Variants in CNBD1 observed in about 807,000 individuals in gnomAD.
CNBD1 encodes the protein cyclic nucleotide binding domain containing 1.
Under a neutral mutation model 54.4 loss-of-function variants are expected in CNBD1, and 71 were observed. The observed-to-expected ratio is 1.30, with a 90% CI of 1.08 to 1.59. The LOEUF (loss-of-function observed/expected upper bound fraction) is 1.59, where lower values mean the gene tolerates loss of function less well. Among genes scored for constraint, CNBD1 ranks in the 40% most tolerant of loss-of-function variants. CNBD1 has a pLI of 0.00. For synonymous variants in CNBD1, 182 were observed against 170.7 expected, an observed-to-expected ratio of 1.07 and a Z score of -0.51; for missense variants, 659 against 518.0, an observed-to-expected ratio of 1.27 and a Z score of -2.64.
chr8:87,198,786 G>A (rs973803510), intron 4 of CNBD1, among the ~76,000 whole-genome samples: 3 of 152,174 alleles, frequency 2.0e-5, no homozygotes, highest in Non-Finnish European at 4.4e-5. Flanking sequence ...TTAGAGGAAA[G>A]TATGACTGTA....
intron 5 of CNBD1, among the ~76,000 whole-genome samples, chr8:87,217,932 G>A (rs1210823155): frequency 2.0e-5 from 3 of 152,088 alleles, no homozygotes; most frequent in African/African-American, 7.2e-5. Flanking sequence ...TGTTTTAGTA[G>A]AAGGGCGTTT....
At chr8:87,054,955 T>G (rs1810383590) in intron 4 of CNBD1, among the ~76,000 whole-genome samples, 1 of 152,170 alleles carries the variant, frequency 6.6e-6, no homozygotes, top group South Asian at 2.1e-4. Context: ...GCCAGTGTGT[T>G]TTTTTCACTC....
At chr8:87,265,311 A>C (rs1350694343) in intron 6 of CNBD1, among the ~76,000 whole-genome samples, 1 of 151,976 alleles carries the variant, frequency 6.6e-6, no homozygotes, top group Non-Finnish European at 1.5e-5. Context: ...AGATAGTTGT[A>C]GATATGTGGC....
At chr8:87,256,007 A>ATT (rs1808011117) in intron 6 of CNBD1, among the ~76,000 whole-genome samples, 22 of 19,792 alleles carry the variant, frequency 1.1e-3, no homozygotes, top group Admixed American at 1.9e-3. Flanking sequence ...ATATATATAT[A>ATT]TATATATATT....
At chr8:87,394,795 A>G (rs1563585643) in intron 2 of CNBD1, among the ~76,000 whole-genome samples, 1 of 151,912 alleles carries the variant, frequency 6.6e-6, no homozygotes. Context: ...AGTTTTATAA[A>G]TGTTTAAATT....
chr8:87,244,682 C>A (rs1236371075), intron 6 of CNBD1, among the ~76,000 whole-genome samples: 1 of 152,080 alleles, frequency 6.6e-6, no homozygotes, highest in Non-Finnish European at 1.5e-5. Flanking sequence ...ATATCCCAAC[C>A]CCCAGTGTTA....
Position 87,387,867 on chromosome 8 carries a change from C to T in CNBD1, c.213+34081C>T, listed in dbSNP as rs143547413. On this transcript the variant is annotated intron_variant, in intron 2 of 7. Transcript: ENST00000521593. The stretch of plus-strand genomic sequence containing the variant: ...CCACATAGTTGGAAGTAAAGCACTC[C>T]TCAGCAAGTGTAGAAAATAGAAATT... 9.7e-3 allele frequency among the ~76,000 whole-genome samples: 1,478 copies of T among 152,260 alleles called. 21 individuals carry two copies. Among genetic ancestry groups the T allele is most frequent in the African/African-American group, 0.033 (1,361 of 41,536 alleles).
chr8:87,294,948 T>C (rs1808853815), intron 8 of CNBD1, among the ~76,000 whole-genome samples: 1 of 151,738 alleles, frequency 6.6e-6, no homozygotes, highest in African/African-American at 2.4e-5. Flanking sequence ...CATAGACTTT[T>C]CTGTGACAAT....
intron 2 of CNBD1, among the ~76,000 whole-genome samples, chr8:87,406,005 C>G (rs1465308871): frequency 6.6e-6 from 1 of 152,102 alleles, no homozygotes; most frequent in Non-Finnish European, 1.5e-5. Flanking sequence ...GCATCTTATT[C>G]TCAATATATT....
At chr8:87,321,157 T>C (rs897364523) in intron 8 of CNBD1, among the ~76,000 whole-genome samples, 2 of 59,712 alleles carry the variant, frequency 3.3e-5, no homozygotes, top group South Asian at 7.1e-4. Context: ...TAGTAGTTTT[T>C]TGAGATCCTG....
At chr8:87,311,580 C>A (rs1809267223) in intron 8 of CNBD1, among the ~76,000 whole-genome samples, 1 of 152,062 alleles carries the variant, frequency 6.6e-6, no homozygotes, top group Non-Finnish European at 1.5e-5. Flanking sequence ...ATAAACCCAA[C>A]AATCCAATTA....
At chr8:86,902,300 G>T (rs542748400) in intron 2 of CNBD1, among the ~76,000 whole-genome samples, 42 of 152,078 alleles carry the variant, frequency 2.8e-4, no homozygotes, top group Admixed American at 1.8e-3. Context: ...TGGGAGTTGG[G>T]GGGGGAGCCA....
chr8:87,231,428 A>C lies in CNBD1; in HGVS notation c.578-5491A>C, dbSNP rs537230598. On this transcript the variant is annotated intron_variant, in intron 5 of 10. Coordinates refer to ENST00000518476, the MANE Select transcript of CNBD1 (RefSeq NM_173538.3). ...TGGAACTGCCACTGGGTGTCTTCAA[A>C]TACTGGCTCTACCACTACTAGCTCA... is the stretch of plus-strand genomic sequence containing the variant. 1.6e-3 allele frequency among the ~76,000 whole-genome samples: 237 copies of C among 152,294 alleles called. 1 individual carries two copies. The highest frequency in any genetic ancestry group is 5.5e-3 in the African/African-American group (230 of 41,560).
At chr8:86,888,452 C>T (rs1808712803) in intron 2 of CNBD1, among the ~76,000 whole-genome samples, 1 of 152,030 alleles carries the variant, frequency 6.6e-6, no homozygotes, top group African/African-American at 2.4e-5. Flanking sequence ...CTCCCGAGAC[C>T]TATTGCCTGA....
At chr8:87,286,761 ATTTC>A (rs1292577364) in intron 8 of CNBD1, 90 bp downstream of exon 8, 6 of 839,074 alleles carry the variant, frequency 7.2e-6, no homozygotes, top group African/African-American at 1.7e-5. Flanking sequence ...TTTATACAAT[ATTTC>A]TTCATATAAA....
rs183049993 is a variant in CNBD1 at position 87,420,831 on chromosome 8, C to G, written c.214-7715C>G. 2.7e-3 allele frequency among the ~76,000 whole-genome samples: 397 copies of G among 149,638 alleles called. 3 individuals carry two copies. The highest frequency in any genetic ancestry group is 9.2e-3 in the African/African-American group (374 of 40,734). On this transcript the variant is annotated intron_variant, in intron 2 of 7. Coordinates refer to the CNBD1 transcript ENST00000521593. ...TATTTGAAAATTAACCTCATTAATTCATGGTCATATATCTTAACAATACAA... is the reference window on the plus strand; with the variant it reads ...TATTTGAAAATTAACCTCATTAATTGATGGTCATATATCTTAACAATACAA...
intron 4 of CNBD1, among the ~76,000 whole-genome samples, chr8:87,198,127 A>C (rs1478724706): frequency 6.6e-6 from 1 of 152,250 alleles, no homozygotes; most frequent in African/African-American, 2.4e-5. Context: ...AAAGTAGCAG[A>C]GCCTAGGTAA....
intron 4 of CNBD1, among the ~76,000 whole-genome samples, chr8:87,034,903 A>G (rs1267013946): frequency 6.6e-6 from 1 of 152,166 alleles, no homozygotes; most frequent in Non-Finnish European, 1.5e-5. Flanking sequence ...TCAGATATGT[A>G]CAATTTAAGT....
intron 4 of CNBD1, among the ~76,000 whole-genome samples, chr8:86,967,788 C>T (rs571936134): frequency 5.3e-5 from 8 of 150,776 alleles, no homozygotes; most frequent in South Asian, 4.2e-4. Context: ...ACTCTGAATC[C>T]GTTGCTTGTT....
Sources: gnomAD v4.1 joint callset for allele counts (sites outside exome capture counted in the v4.1 genomes callset) on GRCh38, gnomAD v4.1.1 for gene constraint, MANE v1.5 for transcripts, NCBI Gene and HGNC (gene_info 2026-07-23, HGNC 2026-07-21) for gene names.